The following PGR variants were observed in gnomAD, a reference collection of about 807,000 sequenced individuals.
PGR encodes the protein progesterone receptor.
In PGR, 25 loss-of-function variants were observed where a neutral mutation model predicts 76.1. The observed-to-expected ratio is 0.33, with a 90% CI of 0.24 to 0.46. The LOEUF (loss-of-function observed/expected upper bound fraction) is 0.46. Ranked by LOEUF, PGR falls within the 20% of genes least tolerant of loss-of-function variation. PGR has a pLI of 1.00. For missense variants in PGR, 1,172 were observed against 1,225.3 expected (o/e 0.96, Z 0.65); for synonymous variants, 579 against 535.0 (o/e 1.08, Z -1.14).
chr11:101,121,648 C>T (rs567920187), intron 2 of PGR, among the ~76,000 whole-genome samples: 18 of 152,142 alleles, frequency 1.2e-4, no homozygotes, highest in Non-Finnish European at 1.8e-4. Context: ...ATTGCATAAA[C>T]GAATCACTTA....
At position 101,101,961 on chromosome 11, in the gene PGR, G is replaced by A. The variant is rs145793697; in HGVS notation, c.1790-10085C>T. 7.0e-4 allele frequency among the ~76,000 whole-genome samples: 107 copies of A among 152,274 alleles called. 3 individuals carry two copies. In the East Asian group the frequency reaches 0.016, roughly 22 times the overall value. On this transcript the variant is annotated intron_variant, in intron 2 of 7. Transcript: ENST00000325455. ...GTCATGAGATCAGTGTCTGAGAACC[G>A]TTGGCCTGTGTAGGATTCTTGTCAA...
intron 1 of PGR, chr11:101,126,872 C>T (rs1862854737): frequency 6.6e-6 from 1 of 152,604 alleles, no homozygotes; most frequent in Non-Finnish European, 1.5e-5. Flanking sequence ...TAATTTTAAT[C>T]TTGAGATTCT....
intron 3 of PGR, among the ~76,000 whole-genome samples, chr11:101,077,187 C>T (rs1246512445): frequency 6.6e-6 from 1 of 151,884 alleles, no homozygotes; most frequent in Non-Finnish European, 1.5e-5. Context: ...GACAGTCATC[C>T]TTACACTACC....
chr11:101,042,977 G>A (rs1358724461), intron 6 of PGR, among the ~76,000 whole-genome samples: 1 of 152,156 alleles, frequency 6.6e-6, no homozygotes. Context: ...GATGGCTGCT[G>A]ATTGGCCAGG....
rs536228660 is a variant in PGR at position 101,114,377 on chromosome 11, T to C, written c.1789+11630A>G. 5.9e-5 allele frequency among the ~76,000 whole-genome samples: 9 copies of C among 152,352 alleles called. No homozygotes were observed. The East Asian group carries it at 7.7e-4, about 13-fold the overall frequency. ...ATAAATTAATAAATAAGCAGACGAC[T>C]AAATGAAGTGACAAACCAGAACATC... On this transcript the variant is annotated intron_variant, in intron 2 of 7. Transcript: ENST00000325455.
Position 101,113,564 on chromosome 11 carries a change from C to T in PGR, c.1789+12443G>A, listed in dbSNP as rs189783142. On this transcript the variant is annotated intron_variant, in intron 2 of 7. Transcript: ENST00000325455. ...GGATTACAGGCGTGAGCCATTGCAC[C>T]CGGCCTATATATCTTCTAAGTATCA... Among the ~76,000 whole-genome samples, 1,053 of 152,146 alleles carry T rather than the reference C, an allele frequency of 6.9e-3. 16 individuals are homozygous for T. Among genetic ancestry groups the T allele is most frequent in the African/African-American group, 0.024 (1,003 of 41,488 alleles).
Position 101,078,382 on chromosome 11 carries a change from T to C in PGR, c.1906+13378A>G, listed in dbSNP as rs371060489. ...ATCATTCTTTTATGTAGAAAGCGACTTATTTTTGAAAGAGCTAATTACCTT... is the reference window on the plus strand; with the variant it reads ...ATCATTCTTTTATGTAGAAAGCGACCTATTTTTGAAAGAGCTAATTACCTT... On this transcript the variant is annotated intron_variant, in intron 3 of 7. Coordinates refer to ENST00000325455, the MANE Select transcript of PGR (RefSeq NM_000926.4). Among the ~76,000 whole-genome samples the C allele has an allele frequency of 9.8e-5, 15 of 152,370 alleles. 1 individual carries two copies. In the South Asian group the frequency reaches 1.9e-3, roughly 19 times the overall value.
Position 101,128,150 on chromosome 11 carries a change from A to G in PGR, c.921T>C (p.Pro307=). The G allele has an allele frequency of 6.3e-7, 1 of 1,597,742 alleles. No individual in the cohort carries two copies. The highest frequency in any genetic ancestry group is 8.5e-7 in the Non-Finnish European group (1 of 1,179,586). The change falls in exon 1 of 8, where the codon CCT becomes CCC. Residue 307 remains proline (P), a synonymous_variant. Coordinates refer to ENST00000325455, the MANE Select transcript of PGR (RefSeq NM_000926.4). ...ATAAGGCGTGATTGAGAGGCAGGAT[A>G]GGCACGTGGATGAAATCCATCACCG... The part of the protein sequence containing the change: ...ATTVMDFIHV[P]ILPLNHALLA...
intron 3 of PGR, among the ~76,000 whole-genome samples, chr11:101,082,592 T>C (rs895091020): frequency 6.6e-6 from 1 of 152,234 alleles, no homozygotes; most frequent in East Asian, 1.9e-4. Flanking sequence ...AAGGTCACTC[T>C]TGCTATGCTT....
At chr11:101,078,303 TA>T (rs1452246897) in intron 3 of PGR, among the ~76,000 whole-genome samples, 1 of 152,100 alleles carries the variant, frequency 6.6e-6, no homozygotes, top group Non-Finnish European at 1.5e-5. Context: ...GAAAAACCCA[TA>T]AAACCTGTAA....
chr11:101,079,012 C>T (rs988827095), intron 3 of PGR, among the ~76,000 whole-genome samples: 2 of 151,994 alleles, frequency 1.3e-5, no homozygotes, highest in Non-Finnish European at 2.9e-5. Flanking sequence ...GACAAAGGTG[C>T]CATGGATATA....
intron 7 of PGR, among the ~76,000 whole-genome samples, chr11:101,041,474 T>C (rs1040225869): frequency 9.9e-5 from 15 of 152,146 alleles, no homozygotes; most frequent in African/African-American, 2.9e-4. Flanking sequence ...TGTCTAATTA[T>C]TTCTTTAAGA....
chr11:101,095,123 T>C (rs1031732795), intron 2 of PGR, among the ~76,000 whole-genome samples: 4 of 152,226 alleles, frequency 2.6e-5, no homozygotes, highest in Non-Finnish European at 5.9e-5. Flanking sequence ...ATTTCCAAAC[T>C]GTCTATACAA....
At chr11:101,054,058 G>C (rs1265293166) in intron 4 of PGR, among the ~76,000 whole-genome samples, 15 of 152,304 alleles carry the variant, frequency 9.8e-5, no homozygotes, top group Admixed American at 9.1e-4. Flanking sequence ...TCCAGATAAT[G>C]AGAACCAATG....
chr11:101,044,443 T>C (rs1859795152), intron 6 of PGR, among the ~76,000 whole-genome samples: 1 of 152,240 alleles, frequency 6.6e-6, no homozygotes, highest in Non-Finnish European at 1.5e-5. Flanking sequence ...ACTAAAACTT[T>C]CTCCATATCA....
At position 101,128,875 on chromosome 11, in the gene PGR, C is replaced by G. The variant is rs1301553115; in HGVS notation, c.196G>C (p.Gly66Arg). Residue 66 changes from glycine to arginine, a missense_variant, in exon 1 of 8, where the codon GGA becomes CGA. Physicochemically the swap from Gly to Arg is moderately radical, Grantham distance 125. Transcript: ENST00000325455. ...GTCTTTTCGTCGGAGGGGTCCTGTCCCTGGCAGGGCCGAGGGAAGAGTAGC... is the reference window on the plus strand; with the variant it reads ...GTCTTTTCGTCGGAGGGGTCCTGTCGCTGGCAGGGCCGAGGGAAGAGTAGC... ...DGLLFPRPCQGQDPSDEKTQD... is the reference protein window; with the variant it reads ...DGLLFPRPCQRQDPSDEKTQD... 4 of 1,613,996 alleles carry G rather than the reference C, an allele frequency of 2.5e-6. No individual in the cohort carries two copies. The African/African-American group carries it at 4.0e-5, about 16-fold the overall frequency.
At chr11:101,117,693 TA>T (rs11363415) in intron 2 of PGR, among the ~76,000 whole-genome samples, 38,113 of 151,904 alleles carry the variant, frequency 0.25, 5,733 homozygotes, top group Non-Finnish European at 0.34. Flanking sequence ...ATTATTATAT[TA>T]AAAAAACTAT....
chr11:101,078,046 C>T (rs1466363373), intron 3 of PGR, among the ~76,000 whole-genome samples: 1 of 152,144 alleles, frequency 6.6e-6, no homozygotes, highest in African/African-American at 2.4e-5. Flanking sequence ...TTTTGCAGTT[C>T]TTCCAAAGAA....
Position 101,062,537 on chromosome 11 carries a change from G to A in PGR, c.2122C>T (p.Pro708Ser), listed in dbSNP as rs1293387481. 2.5e-6 allele frequency: 4 copies of A among 1,613,874 alleles called. No individual in the cohort carries two copies. The highest frequency in any genetic ancestry group is 1.3e-5 in the African/African-American group (1 of 74,890). ...GTCAGCAAAGAACTGGAGGTGTCAG[G>A]TTTTGTGTTGTCATGTCCTGCATAG... ...VIYAGHDNTKPDTSSSLLTSL... is the reference protein window; with the variant it reads ...VIYAGHDNTKSDTSSSLLTSL... Residue 708 changes from proline (P) to serine (S), a missense_variant, in exon 4 of 8, where the codon CCT becomes TCT. Physicochemically the swap from Pro to Ser is moderately conservative, Grantham distance 74. Coordinates refer to ENST00000325455, the MANE Select transcript of PGR (RefSeq NM_000926.4).
Sources: gnomAD v4.1 joint callset for allele counts (sites outside exome capture counted in the v4.1 genomes callset) on GRCh38, gnomAD v4.1.1 for gene constraint, MANE v1.5 for transcripts, NCBI Gene and HGNC (gene_info 2026-07-23, HGNC 2026-07-21) for gene names.